EIF4G3: variants seen among roughly 807,000 people sequenced by gnomAD.
The protein encoded by EIF4G3 is eukaryotic translation initiation factor 4 gamma 3.
A neutral mutation model predicts 186.4 loss-of-function variants in EIF4G3; 34 were observed. The ratio of observed to expected loss-of-function variants is 0.18; its 90% CI spans 0.14 to 0.24. The LOEUF (loss-of-function observed/expected upper bound fraction) is 0.24, where lower values mean the gene tolerates loss of function less well. Ranked by LOEUF, EIF4G3 falls within the 10% of genes least tolerant of loss-of-function variation. EIF4G3 has a pLI of 1.00. For synonymous variants in EIF4G3, 673 were observed against 679.5 expected, an observed-to-expected ratio of 0.99 and a Z score of 0.15; for missense variants, 1,536 against 1,948.5, an observed-to-expected ratio of 0.79 and a Z score of 3.99.
At chr1:21,058,116 A>C (rs2094652956) in intron 3 of EIF4G3, among the ~76,000 whole-genome samples, 1 of 152,210 alleles carries the variant, frequency 6.6e-6, no homozygotes, top group African/African-American at 2.4e-5. Flanking sequence ...AATAATAAAT[A>C]AAATATGGAA....
chr1:20,986,820 G>A (rs1018748424), intron 7 of EIF4G3, among the ~76,000 whole-genome samples: 1 of 147,692 alleles, frequency 6.8e-6, no homozygotes, highest in Non-Finnish European at 1.5e-5. Flanking sequence ...TAAAAATGCT[G>A]CAAAGAGCTA....
intron 15 of EIF4G3, among the ~76,000 whole-genome samples, chr1:20,904,213 T>C (rs932439069): frequency 6.6e-6 from 1 of 152,264 alleles, no homozygotes; most frequent in African/African-American, 2.4e-5. Flanking sequence ...TATAATGTAC[T>C]AGATGAATTC....
intron 2 of EIF4G3, among the ~76,000 whole-genome samples, chr1:21,129,623 T>C (rs1162330891): frequency 6.6e-6 from 1 of 152,128 alleles, no homozygotes; most frequent in Non-Finnish European, 1.5e-5. Flanking sequence ...GGTCCTTTTC[T>C]GCTATGAAGC....
At chr1:20,981,536 C>T (rs80123873) in intron 8 of EIF4G3, among the ~76,000 whole-genome samples, 1,200 of 53,662 alleles carry the variant, frequency 0.022, 19 homozygotes, top group Non-Finnish European at 0.035. Flanking sequence ...TACATGTATA[C>T]GCACATACTG....
chr1:21,127,772 C>G (rs547953090), intron 2 of EIF4G3, among the ~76,000 whole-genome samples: 1 of 152,174 alleles, frequency 6.6e-6, no homozygotes, highest in Admixed American at 6.5e-5. Flanking sequence ...AGACAATACA[C>G]TTTAAAATGT....
intron 3 of EIF4G3, among the ~76,000 whole-genome samples, chr1:21,052,975 G>A (rs1156720961): frequency 5.8e-4 from 88 of 152,254 alleles, no homozygotes; most frequent in African/African-American, 2.0e-3. Context: ...GCAAAGTGCC[G>A]AGATTGCAGC....
intron 2 of EIF4G3, among the ~76,000 whole-genome samples, chr1:21,134,557 C>G (rs990299480): frequency 1.3e-5 from 2 of 152,176 alleles, no homozygotes; most frequent in African/African-American, 4.8e-5. Flanking sequence ...GTAGTCCCAG[C>G]TACTCGGGCG....
intron 14 of EIF4G3, among the ~76,000 whole-genome samples, chr1:20,919,722 C>T (rs1295184954): frequency 6.6e-6 from 1 of 152,116 alleles, no homozygotes; most frequent in Non-Finnish European, 1.5e-5. Flanking sequence ...TATGATCTGG[C>T]ATGTTTCTCC....
intron 2 of EIF4G3, among the ~76,000 whole-genome samples, chr1:21,173,619 C>T (rs1252237360): frequency 6.6e-6 from 1 of 151,984 alleles, no homozygotes; most frequent in African/African-American, 2.4e-5. Flanking sequence ...ATCCAGCCGG[C>T]GTAGGTTGCA....
chr1:20,853,426 A>G (rs2073961638), intron 27 of EIF4G3, 134 bp downstream of exon 27: 1 of 583,450 alleles, frequency 1.7e-6, no homozygotes, highest in African/African-American at 1.9e-5. Flanking sequence ...TAGTGTGTGA[A>G]GATTAAAGAA....
At chr1:21,062,743 C>A (rs2094989562) in intron 3 of EIF4G3, among the ~76,000 whole-genome samples, 1 of 152,144 alleles carries the variant, frequency 6.6e-6, no homozygotes, top group African/African-American at 2.4e-5. Context: ...GTGCGTGCCA[C>A]CACGCCTGGC....
intron 4 of EIF4G3, among the ~76,000 whole-genome samples, chr1:21,041,117 T>C (rs574660631): frequency 6.6e-6 from 1 of 152,230 alleles, no homozygotes; most frequent in African/African-American, 2.4e-5. Context: ...ATTTTAATTT[T>C]AACAGTTATG....
Position 20,942,379 on chromosome 1 carries a change from A to T in EIF4G3, c.824-49T>A. 3.3e-6 allele frequency: 5 copies of T among 1,517,060 alleles called. No individual in the cohort carries two copies. The South Asian group carries it at 6.7e-5, about 20-fold the overall frequency. 94.0% of individuals were successfully genotyped at this position (1,517,060 alleles called of 1,614,324 possible). A position where few individuals can be genotyped will look rare whatever the true frequency, so the allele number is the denominator to read the frequency against. On this transcript the variant is annotated intron_variant, in intron 13 of 36. Coordinates refer to ENST00000602326, the MANE Select transcript of EIF4G3 (RefSeq NM_001391906.1). ...AAGAATAATTCTTGGATCAGAGACT[A>T]CATATTGCCTTGGGCCAATTCTTTC...
At chr1:21,155,972 C>A (rs980659450) in intron 2 of EIF4G3, among the ~76,000 whole-genome samples, 2 of 151,880 alleles carry the variant, frequency 1.3e-5, no homozygotes, top group East Asian at 3.9e-4. Flanking sequence ...ACTAAAAATA[C>A]AAAAATTAGC....
At chr1:20,996,732 G>A (rs2082366950) in intron 7 of EIF4G3, among the ~76,000 whole-genome samples, 1 of 152,174 alleles carries the variant, frequency 6.6e-6, no homozygotes, top group African/African-American at 2.4e-5. Context: ...TTCTAAGGCA[G>A]AGGTTATTTA....
chr1:21,155,354 T>C (rs961400559), intron 2 of EIF4G3, among the ~76,000 whole-genome samples: 4 of 152,084 alleles, frequency 2.6e-5, no homozygotes, highest in Non-Finnish European at 5.9e-5. Flanking sequence ...ACAGTTCCTT[T>C]TCTTCTGCTT....
At chr1:20,962,220 T>C (rs1212638712) in intron 12 of EIF4G3, among the ~76,000 whole-genome samples, 1 of 152,126 alleles carries the variant, frequency 6.6e-6, no homozygotes, top group Non-Finnish European at 1.5e-5. Flanking sequence ...GTGTATAACT[T>C]TTGACTCCCC....
chr1:20,864,855 TC>T (rs2077208282), intron 21 of EIF4G3, 143 bp from the exon 22 acceptor site: 2 of 863,342 alleles, frequency 2.3e-6, no homozygotes, highest in Admixed American at 2.7e-5. Context: ...ACTATACCCA[TC>T]CATTTCAGAT....
chr1:21,055,683 G>A (rs930065237), intron 3 of EIF4G3, among the ~76,000 whole-genome samples: 2 of 151,816 alleles, frequency 1.3e-5, no homozygotes, highest in African/African-American at 4.8e-5. Context: ...CAAAAATTAG[G>A]AACTTAAAGA....
Sources: gnomAD v4.1 joint callset for allele counts (sites outside exome capture counted in the v4.1 genomes callset) on GRCh38, gnomAD v4.1.1 for gene constraint, MANE v1.5 for transcripts, NCBI Gene and HGNC (gene_info 2026-07-23, HGNC 2026-07-21) for gene names.